CEP85L: variants seen among roughly 807,000 people sequenced by gnomAD.
CEP85L encodes the protein centrosomal protein of 85 kDa-like.
A neutral mutation model predicts 100.3 loss-of-function variants in CEP85L; 60 were observed. That is an observed-to-expected ratio of 0.60 (90% CI 0.49 to 0.74). The LOEUF (loss-of-function observed/expected upper bound fraction) is 0.74, where lower values mean the gene tolerates loss of function less well. Ranked by LOEUF, CEP85L falls within the 30% of genes least tolerant of loss-of-function variation. CEP85L has a pLI of 0.00. For missense variants in CEP85L, 973 were observed against 936.2 expected (o/e 1.04, Z -0.51); for synonymous variants, 319 against 322.7 (o/e 0.99, Z 0.12).
chr6:118,675,951 A>C lies in CEP85L; in HGVS notation c.-27-23143T>G, dbSNP rs571157066. 3.3e-5 allele frequency among the ~76,000 whole-genome samples: 5 copies of C among 152,342 alleles called. 1 individual carries two copies. The highest frequency in any genetic ancestry group is 1.2e-4 in the African/African-American group (5 of 41,574). ...GATTTCAAAGAGAATGAACAATAATAAAAGAGATAATTATTTCTAATTTCC... is the reference window on the plus strand; with the variant it reads ...GATTTCAAAGAGAATGAACAATAATCAAAGAGATAATTATTTCTAATTTCC... On this transcript the variant is annotated intron_variant, in intron 1 of 13. Coordinates refer to the CEP85L transcript ENST00000368488.
chr6:118,528,223 T>C (rs1777087548), intron 3 of CEP85L, among the ~76,000 whole-genome samples: 1 of 151,462 alleles, frequency 6.6e-6, no homozygotes, highest in African/African-American at 2.4e-5. Flanking sequence ...TTCTTTTTTT[T>C]TTTTTAACGT....
chr6:118,569,341 C>CAA lies in CEP85L; in HGVS notation c.233-3027_233-3026dup, dbSNP rs56123225. 7.0e-3 allele frequency among the ~76,000 whole-genome samples: 479 copies of CAA among 68,194 alleles called. 45 individuals carry two copies. Among genetic ancestry groups the CAA allele is most frequent in the East Asian group, 0.01 (18 of 1,750 alleles). 44.7% of individuals were successfully genotyped at this position (68,194 alleles called of 152,430 possible). A position where few individuals can be genotyped will look rare whatever the true frequency, so the allele number is the denominator to read the frequency against. On this transcript the variant is annotated intron_variant, in intron 2 of 12. Transcript: ENST00000368491. ...TGGGTGACAAGGCTAGACTCTGTCTCAAAAAAAAAAAAAAAAAAAAAAAAA... is the reference window on the plus strand; with the variant it reads ...TGGGTGACAAGGCTAGACTCTGTCTCAAAAAAAAAAAAAAAAAAAAAAAAAAA...
At chr6:118,499,638 TG>T (rs1213456403) in intron 5 of CEP85L, among the ~76,000 whole-genome samples, 1 of 151,844 alleles carries the variant, frequency 6.6e-6, no homozygotes, top group Admixed American at 6.6e-5. Flanking sequence ...CACTCCAGCC[TG>T]GGGGACAGAG....
intron 12 of CEP85L, among the ~76,000 whole-genome samples, chr6:118,468,618 C>T (rs911195825): frequency 6.6e-6 from 1 of 152,192 alleles, no homozygotes; most frequent in African/African-American, 2.4e-5. Flanking sequence ...GCTGTGAAAA[C>T]TGGCTCATGT....
intron 3 of CEP85L, among the ~76,000 whole-genome samples, chr6:118,563,250 A>C (rs1779326165): frequency 6.6e-6 from 1 of 152,222 alleles, no homozygotes; most frequent in Admixed American, 6.5e-5. Flanking sequence ...GCAGAAAACC[A>C]TGGAAATCAA....
chr6:118,467,081 C>A (rs373112043), intron 12 of CEP85L, among the ~76,000 whole-genome samples: 2 of 151,958 alleles, frequency 1.3e-5, no homozygotes, highest in East Asian at 3.9e-4. Context: ...AGAAGAGGAA[C>A]CGGTTCAGGG....
intron 2 of CEP85L, among the ~76,000 whole-genome samples, chr6:118,616,061 T>C (rs1773022215): frequency 6.6e-6 from 1 of 152,024 alleles, no homozygotes; most frequent in Non-Finnish European, 1.5e-5. Flanking sequence ...AACACACATA[T>C]ATAAAAAATT....
chr6:118,679,486 GAA>G (rs1776583854), intron 1 of CEP85L, among the ~76,000 whole-genome samples: 1 of 152,194 alleles, frequency 6.6e-6, no homozygotes, highest in Non-Finnish European at 1.5e-5. Context: ...CCTTATTCCT[GAA>G]GTTAGTTTTT....
At chr6:118,466,708 AGGTAGTAGC>A (rs1367720933) in intron 12 of CEP85L, among the ~76,000 whole-genome samples, 1 of 152,180 alleles carries the variant, frequency 6.6e-6, no homozygotes, top group Non-Finnish European at 1.5e-5. Flanking sequence ...CTATAGAGGT[AGGTAGTAGC>A]TACCTATCTT....
chr6:118,552,185 T>G (rs1184688480), intron 3 of CEP85L, among the ~76,000 whole-genome samples: 1 of 151,928 alleles, frequency 6.6e-6, no homozygotes, highest in Non-Finnish European at 1.5e-5. Context: ...TACTCCCATG[T>G]TTACTAAAAG....
intron 1 of CEP85L, among the ~76,000 whole-genome samples, chr6:118,637,303 G>T (rs1432831122): frequency 6.6e-6 from 1 of 152,114 alleles, no homozygotes; most frequent in African/African-American, 2.4e-5. Context: ...TCAGGGAAAT[G>T]ATCTTCCTAA....
At position 118,463,340 on chromosome 6, in the gene CEP85L, T is replaced by G. The variant is rs1157450299; in HGVS notation, c.*2065A>C. On this transcript the variant is annotated 3_prime_UTR_variant, in exon 13 of 13. Transcript: ENST00000368491. Reference sequence around the variant, plus strand: ...TTAAGTAAGAACCTACTGGTCCAATTAGTGATTGTTTGCCAATTTGTTCTA... The same window carrying G: ...TTAAGTAAGAACCTACTGGTCCAATGAGTGATTGTTTGCCAATTTGTTCTA... 6.6e-6 allele frequency: 1 copy of G among 151,984 alleles called. No individual in the cohort carries two copies. Among genetic ancestry groups the G allele is most frequent in the African/African-American group, 2.4e-5 (1 of 41,412 alleles). The allele number at this position is 151,984 out of a possible 1,614,324, so 9.4% of individuals were successfully genotyped here.
intron 3 of CEP85L, among the ~76,000 whole-genome samples, chr6:118,529,445 A>T (rs1162227905): frequency 4.0e-5 from 6 of 151,748 alleles, no homozygotes; most frequent in Admixed American, 1.3e-4. Flanking sequence ...ATCTCTACTA[A>T]AAATACAAAA....
chr6:118,561,132 C>A (rs919268332), intron 3 of CEP85L, among the ~76,000 whole-genome samples: 7 of 152,136 alleles, frequency 4.6e-5, no homozygotes, highest in African/African-American at 1.7e-4. Context: ...TCAGGGATAT[C>A]TGAAGAACAG....
At chr6:118,512,489 T>C (rs1776028331) in intron 4 of CEP85L, among the ~76,000 whole-genome samples, 1 of 152,116 alleles carries the variant, frequency 6.6e-6, no homozygotes, top group South Asian at 2.1e-4. Flanking sequence ...GGGGACAGTT[T>C]TGAAACCAGT....
At chr6:118,691,033 G>C (rs1031503449) in intron 1 of CEP85L, among the ~76,000 whole-genome samples, 1 of 151,536 alleles carries the variant, frequency 6.6e-6, no homozygotes, top group Non-Finnish European at 1.5e-5. Flanking sequence ...GAAAGAAAGA[G>C]AAAGATAAAA....
At chr6:118,608,175 T>C (rs1428519414) in intron 2 of CEP85L, among the ~76,000 whole-genome samples, 1 of 152,200 alleles carries the variant, frequency 6.6e-6, no homozygotes, top group Non-Finnish European at 1.5e-5. Context: ...TCAATTTCTT[T>C]AAATTTTTAT....
chr6:118,583,291 C>T (rs868012297), intron 2 of CEP85L, among the ~76,000 whole-genome samples: 40 of 152,172 alleles, frequency 2.6e-4, no homozygotes, highest in African/African-American at 9.7e-4. Flanking sequence ...AGGTAGATCT[C>T]CTTCTGGATA....
At chr6:118,491,054 G>C (rs781408312) in intron 6 of CEP85L, among the ~76,000 whole-genome samples, 16 of 152,138 alleles carry the variant, frequency 1.1e-4, no homozygotes, top group Non-Finnish European at 2.1e-4. Flanking sequence ...TAGTGGGACT[G>C]CTGGATCAAA....
Sources: allele counts gnomAD v4.1 joint callset (sites outside exome capture counted in the v4.1 genomes callset), GRCh38; gene constraint gnomAD v4.1.1; transcripts MANE v1.5; gene names NCBI Gene and HGNC (gene_info 2026-07-23, HGNC 2026-07-21).